GHR: variants seen among roughly 807,000 people sequenced by gnomAD.
GHR encodes the protein growth hormone receptor.
In GHR, 35 loss-of-function variants were observed where a neutral mutation model predicts 67.1. That is an observed-to-expected ratio of 0.52 (90% CI 0.40 to 0.69). GHR has a LOEUF of 0.69. Ranked by LOEUF, GHR falls within the 30% of genes least tolerant of loss-of-function variation. The pLI, the probability that GHR is intolerant of heterozygous loss-of-function variation, is 0.00. For synonymous variants in GHR, 272 were observed against 269.1 expected, an observed-to-expected ratio of 1.01 and a Z score of -0.10; for missense variants, 792 against 764.6, an observed-to-expected ratio of 1.04 and a Z score of -0.42.
intron 1 of GHR, among the ~76,000 whole-genome samples, chr5:42,480,816 G>T (rs183537750): frequency 6.0e-4 from 91 of 152,222 alleles, no homozygotes; most frequent in African/African-American, 2.1e-3. Context: ...AATACAGCAC[G>T]CTGATGGGTC....
chr5:42,718,166 C>A, intron 9 of GHR, 45 bp downstream of exon 9: 1 of 918,790 alleles, frequency 1.1e-6, no homozygotes, highest in South Asian at 1.3e-5. Flanking sequence ...CTAATTAACA[C>A]CTGAAGACTC....
In GHR at chr5:42,548,594, CT is replaced by C. The variant is rs570119241; in HGVS notation, c.-11-17268del. On this transcript the variant is annotated intron_variant, in intron 1 of 9. Transcript: ENST00000230882. ...GGCTGATAGTCAGGGTTTTTTTTTTCTTACTTTTGCATTTTTTAGATATAAA... is the reference window on the plus strand; with the variant it reads ...GGCTGATAGTCAGGGTTTTTTTTTTCTACTTTTGCATTTTTTAGATATAAA... The C allele has an allele frequency of 2.6e-4, 152 of 593,542 alleles. No individual in the cohort carries two copies. The African/African-American group carries it at 2.9e-3, about 11-fold the overall frequency. The allele number at this position is 593,542 out of a possible 1,614,324, so 36.8% of individuals were successfully genotyped here. A position where few individuals can be genotyped will look rare whatever the true frequency, so the allele number is the denominator to read the frequency against.
intron 5 of GHR, among the ~76,000 whole-genome samples, chr5:42,698,831 TG>T (rs201284278): frequency 0.01 from 1,599 of 152,324 alleles, 25 homozygotes; most frequent in African/African-American, 0.036. Flanking sequence ...CCCTCAGTAA[TG>T]AGATCCAACT....
At chr5:42,468,368 G>T in intron 1 of GHR, 1 of 1,397,294 alleles carries the variant, frequency 7.2e-7, no homozygotes, top group Non-Finnish European at 9.8e-7. Flanking sequence ...GAGCTGCCCA[G>T]CACAGGTCAA....
chr5:42,582,535 T>A (rs1418518802), intron 2 of GHR, among the ~76,000 whole-genome samples: 1 of 152,206 alleles, frequency 6.6e-6, no homozygotes, highest in East Asian at 1.9e-4. Flanking sequence ...CACCTTCCAG[T>A]TGTCTGTGTA....
Position 42,688,896 on chromosome 5 carries a change from C to A in GHR, c.143C>A (p.Ser48Tyr), listed in dbSNP as rs770307280. The change falls in exon 4 of 10, where the codon TCT (serine) becomes TAT (tyrosine). Residue 48 changes from serine to tyrosine, a missense_variant. By Grantham distance (144) the Ser-to-Tyr change is moderately radical (BLOSUM62 -2). Transcript: ENST00000230882. ...SVNPGLKTNS[S>Y]KEPKFTKCRS... Reference sequence around the variant, plus strand: ...TTTTCTTTTTATTCTGCAGATTCTTCTAAGGAGCCTAAATTCACCAAGTGC... The same window carrying A: ...TTTTCTTTTTATTCTGCAGATTCTTATAAGGAGCCTAAATTCACCAAGTGC... 1 of 1,613,814 alleles carries A rather than the reference C, an allele frequency of 6.2e-7. No homozygotes were observed. The highest frequency in any genetic ancestry group is 1.1e-5 in the South Asian group (1 of 91,068).
chr5:42,666,682 T>C (rs1755998786), intron 3 of GHR, among the ~76,000 whole-genome samples: 1 of 152,178 alleles, frequency 6.6e-6, no homozygotes, highest in Admixed American at 6.6e-5. Flanking sequence ...TAAGCTCTTA[T>C]TGCTCAGAAT....
At chr5:42,665,372 A>T (rs1463599457) in intron 3 of GHR, among the ~76,000 whole-genome samples, 1 of 152,226 alleles carries the variant, frequency 6.6e-6, no homozygotes, top group Non-Finnish European at 1.5e-5. Context: ...GATAGACTGG[A>T]TTAAGAAAAT....
intron 1 of GHR, among the ~76,000 whole-genome samples, chr5:42,497,481 A>G (rs1484715386): frequency 1.3e-5 from 2 of 152,166 alleles, no homozygotes; most frequent in Non-Finnish European, 2.9e-5. Flanking sequence ...TCAGTTTTGC[A>G]TAGTTTCAAT....
intron 3 of GHR, among the ~76,000 whole-genome samples, chr5:42,686,910 A>T (rs750956880): frequency 6.6e-6 from 1 of 152,230 alleles, no homozygotes; most frequent in East Asian, 1.9e-4. Flanking sequence ...AGATGACATG[A>T]TTGTATATTT....
At chr5:42,668,515 G>A (rs1362576482) in intron 3 of GHR, among the ~76,000 whole-genome samples, 1 of 152,042 alleles carries the variant, frequency 6.6e-6, no homozygotes, top group Non-Finnish European at 1.5e-5. Context: ...ACTCATTCAT[G>A]GTTGAGAACC....
chr5:42,545,812 T>C (rs974197510), intron 1 of GHR, among the ~76,000 whole-genome samples: 1 of 152,204 alleles, frequency 6.6e-6, no homozygotes, highest in Non-Finnish European at 1.5e-5. Flanking sequence ...ACCATTATTT[T>C]GTAAAATTTA....
In GHR at chr5:42,582,212, T is replaced by C. The variant is rs1475622458; in HGVS notation, c.70+16268T>C. On this transcript the variant is annotated intron_variant, in intron 2 of 9. Transcript: ENST00000230882. ...TGGTGGCAGAAGGCAGACAGGCTCC[T>C]GGGCAGAAAGAGGCCAGTCCCCAGT... Among the ~76,000 whole-genome samples the C allele has an allele frequency of 3.3e-5, 5 of 152,352 alleles. No homozygotes were observed. The East Asian group carries it at 9.7e-4, about 29-fold the overall frequency.
At chr5:42,622,947 G>A (rs906166626) in intron 2 of GHR, among the ~76,000 whole-genome samples, 1 of 152,002 alleles carries the variant, frequency 6.6e-6, no homozygotes, top group African/African-American at 2.4e-5. Flanking sequence ...GGTCTAGCTG[G>A]GTTTATGACA....
chr5:42,554,104 T>C (rs1180113572), intron 1 of GHR, among the ~76,000 whole-genome samples: 8 of 152,304 alleles, frequency 5.3e-5, no homozygotes, highest in Admixed American at 3.3e-4. Flanking sequence ...TTTAGAATTA[T>C]ACAAGAAAAA....
Position 42,719,375 on chromosome 5 carries a change from C to G in GHR, c.1868C>G (p.Ser623Ter). ...ALPLPDKEFL[S>*]SCGYVSTDQL... ...CCCTTGCCTGACAAAGAGTTTCTCTCATCATGTGGCTATGTGAGCACAGAC... is the reference window on the plus strand; with the variant it reads ...CCCTTGCCTGACAAAGAGTTTCTCTGATCATGTGGCTATGTGAGCACAGAC... Residue 623 changes from serine (S) to a stop codon, truncating the protein, a stop_gained, in exon 10 of 10, where the codon TCA (serine) becomes TGA (stop). Transcript: ENST00000230882. LOFTEE classifies it high-confidence loss of function. The G allele has an allele frequency of 6.2e-7, 1 of 1,613,976 alleles. No individual in the cohort carries two copies. The highest frequency in any genetic ancestry group is 1.3e-5 in the African/African-American group (1 of 75,052).
chr5:42,618,668 A>C (rs1265955188), intron 2 of GHR, among the ~76,000 whole-genome samples: 1 of 152,182 alleles, frequency 6.6e-6, no homozygotes. Context: ...AGGCAATCGT[A>C]ATCAGAAGCA....
At chr5:42,537,526 G>T (rs551554154) in intron 1 of GHR, among the ~76,000 whole-genome samples, 45 of 152,204 alleles carry the variant, frequency 3.0e-4, no homozygotes, top group African/African-American at 1.1e-3. Flanking sequence ...GAGAGTACTT[G>T]ATATAATTTC....
At chr5:42,430,634 G>GTA (rs1743053915) in intron 1 of GHR, among the ~76,000 whole-genome samples, 1 of 151,650 alleles carries the variant, frequency 6.6e-6, no homozygotes, top group Non-Finnish European at 1.5e-5. Context: ...GTGTGTGTGT[G>GTA]TGTATGTGTG....
Sources: gnomAD v4.1 joint callset for allele counts (sites outside exome capture counted in the v4.1 genomes callset) on GRCh38, gnomAD v4.1.1 for gene constraint, MANE v1.5 for transcripts, NCBI Gene and HGNC (gene_info 2026-07-23, HGNC 2026-07-21) for gene names.